CCSER1: variants seen among roughly 807,000 people sequenced by gnomAD.
CCSER1 encodes the protein coiled-coil serine rich protein 1, also known as serine-rich coiled-coil domain-containing protein 1.
CCSER1 carries 41 observed loss-of-function variants against 82.0 expected under a neutral mutation model. The ratio of observed to expected loss-of-function variants is 0.50; its 90% CI spans 0.39 to 0.65. The LOEUF is 0.65. CCSER1 is among the 30% of genes least tolerant of loss of function. The pLI, the probability that CCSER1 is intolerant of heterozygous loss-of-function variation, is 0.00. For missense variants in CCSER1, 1,119 were observed against 1,064.2 expected, an observed-to-expected ratio of 1.05 and a Z score of -0.72; for synonymous variants, 414 against 383.9, an observed-to-expected ratio of 1.08 and a Z score of -0.92.
chr4:91,267,813 A>G (rs950331120), intron 10 of CCSER1, among the ~76,000 whole-genome samples: 3 of 152,244 alleles, frequency 2.0e-5, no homozygotes, highest in Non-Finnish European at 4.4e-5. Context: ...ATCCCCAGGA[A>G]ACACAGTAAG....
intron 7 of CCSER1, among the ~76,000 whole-genome samples, chr4:90,760,578 TAATA>T (rs1217319091): frequency 6.6e-6 from 1 of 152,074 alleles, no homozygotes; most frequent in African/African-American, 2.4e-5. Flanking sequence ...TTTATGATAA[TAATA>T]CTAGTAAAAA....
At chr4:90,365,718 A>T (rs1746169468) in intron 3 of CCSER1, among the ~76,000 whole-genome samples, 1 of 151,906 alleles carries the variant, frequency 6.6e-6, no homozygotes, top group Non-Finnish European at 1.5e-5. Flanking sequence ...ACTGTGAATA[A>T]AGTCTGAGTG....
intron 10 of CCSER1, among the ~76,000 whole-genome samples, chr4:91,426,109 A>G (rs1753954052): frequency 2.0e-5 from 3 of 151,496 alleles, no homozygotes. Context: ...TCATTGTTCA[A>G]CTCCCACTAT....
chr4:90,657,655 G>T (rs982825975), intron 6 of CCSER1, among the ~76,000 whole-genome samples: 1 of 152,058 alleles, frequency 6.6e-6, no homozygotes, highest in Non-Finnish European at 1.5e-5. Context: ...TAAATGCACT[G>T]TTAAAGCCAT....
At chr4:90,809,318 A>G (rs1176428374) in intron 7 of CCSER1, among the ~76,000 whole-genome samples, 1 of 98,520 alleles carries the variant, frequency 1.0e-5, no homozygotes, top group East Asian at 4.3e-4. Flanking sequence ...TCATACACAC[A>G]CACACACACA....
intron 6 of CCSER1, among the ~76,000 whole-genome samples, chr4:90,633,465 A>G (rs1222748042): frequency 2.0e-5 from 3 of 152,096 alleles, no homozygotes; most frequent in East Asian, 1.9e-4. Context: ...AGATCTTTCT[A>G]TGCAGTAGAT....
intron 10 of CCSER1, among the ~76,000 whole-genome samples, chr4:91,113,015 C>T (rs541250187): frequency 3.3e-5 from 5 of 152,322 alleles, no homozygotes; most frequent in African/African-American, 1.2e-4. Context: ...GCATCTCATT[C>T]AGCAGAAGAA....
intron 1 of CCSER1, among the ~76,000 whole-genome samples, chr4:90,237,414 G>C (rs10015601): frequency 0.27 from 41,799 of 151,998 alleles, 8,232 homozygotes; most frequent in East Asian, 0.58. Context: ...TTCTTATGCT[G>C]TAAACCTGTT....
chr4:91,556,068 C>T (rs948392283), intron 10 of CCSER1, among the ~76,000 whole-genome samples: 6 of 151,192 alleles, frequency 4.0e-5, no homozygotes, highest in African/African-American at 7.3e-5. Flanking sequence ...GTAAATGAAA[C>T]GTGCCTTAGC....
chr4:90,398,558 A>G (rs1179586691), intron 3 of CCSER1, among the ~76,000 whole-genome samples: 1 of 151,766 alleles, frequency 6.6e-6, no homozygotes, highest in Non-Finnish European at 1.5e-5. Flanking sequence ...CACAACTTCA[A>G]TTATGTTTTG....
chr4:90,956,714 A>G (rs1189645081), intron 9 of CCSER1, among the ~76,000 whole-genome samples: 2 of 151,912 alleles, frequency 1.3e-5, no homozygotes, highest in Admixed American at 6.6e-5. Flanking sequence ...AGGATTTCCC[A>G]GGAAGTATGA....
At chr4:91,460,918 AC>A (rs954838772) in intron 10 of CCSER1, among the ~76,000 whole-genome samples, 1 of 152,196 alleles carries the variant, frequency 6.6e-6, no homozygotes, top group Admixed American at 6.5e-5. Context: ...TCTTACTCTA[AC>A]CTTTGGAATG....
At chr4:90,924,741 A>G (rs575142440) in intron 9 of CCSER1, among the ~76,000 whole-genome samples, 1 of 152,032 alleles carries the variant, frequency 6.6e-6, no homozygotes, top group African/African-American at 2.4e-5. Flanking sequence ...TTTGTTTGTT[A>G]TTTGAGATGG....
At chr4:90,486,311 G>C (rs774107381) in intron 5 of CCSER1, among the ~76,000 whole-genome samples, 2 of 151,968 alleles carry the variant, frequency 1.3e-5, no homozygotes, top group African/African-American at 2.4e-5. Context: ...TGACATTATT[G>C]TCCTTAAGTT....
At chr4:91,005,602 T>C (rs1738436369) in intron 9 of CCSER1, among the ~76,000 whole-genome samples, 2 of 152,202 alleles carry the variant, frequency 1.3e-5, no homozygotes, top group African/African-American at 4.8e-5. Context: ...GTATACAGTA[T>C]GGTATGGTTA....
rs370380484 is a variant in CCSER1 at position 90,339,754 on chromosome 4, T to G, written c.1509+26707T>G. On this transcript the variant is annotated intron_variant, in intron 3 of 10. Coordinates refer to ENST00000509176, the MANE Select transcript of CCSER1 (RefSeq NM_001145065.2). The stretch of plus-strand genomic sequence containing the variant: ...TTCTCTATAAAACAGCAACTGCTGT[T>G]TTTTTAATCTTTCCGTATCTGCTTT... 9.9e-5 allele frequency among the ~76,000 whole-genome samples: 15 copies of G among 152,244 alleles called. No individual in the cohort carries two copies. The East Asian group carries it at 2.5e-3, about 25-fold the overall frequency.
At chr4:91,461,674 C>G (rs1756508397) in intron 10 of CCSER1, among the ~76,000 whole-genome samples, 1 of 152,012 alleles carries the variant, frequency 6.6e-6, no homozygotes, top group African/African-American at 2.4e-5. Context: ...ATGTAGCATA[C>G]CTATTGGATT....
chr4:90,585,208 T>A (rs1225730202), intron 5 of CCSER1, among the ~76,000 whole-genome samples: 1 of 152,206 alleles, frequency 6.6e-6, no homozygotes, highest in African/African-American at 2.4e-5. Flanking sequence ...ATAGTTAATG[T>A]TGAAAAAACT....
intron 5 of CCSER1, among the ~76,000 whole-genome samples, chr4:90,579,263 T>C (rs1260791440): frequency 6.6e-6 from 1 of 152,182 alleles, no homozygotes; most frequent in Non-Finnish European, 1.5e-5. Context: ...TTGTGTATAA[T>C]GCAGGTCTAG....
Sources: gnomAD v4.1 joint callset for allele counts (sites outside exome capture counted in the v4.1 genomes callset) on GRCh38, gnomAD v4.1.1 for gene constraint, MANE v1.5 for transcripts, NCBI Gene and HGNC (gene_info 2026-07-23, HGNC 2026-07-21) for gene names.